PCDHGA2: variants seen among roughly 807,000 people sequenced by gnomAD.
PCDHGA2 encodes the protein protocadherin gamma subfamily A, 2.
Under a neutral mutation model 59.2 loss-of-function variants are expected in PCDHGA2, and 40 were observed. That is an observed-to-expected ratio of 0.68 (90% CI 0.52 to 0.88). The LOEUF (loss-of-function observed/expected upper bound fraction) is 0.88, where lower values mean the gene tolerates loss of function less well. PCDHGA2 is among the 40% of genes least tolerant of loss of function. The pLI is 0.00. For synonymous variants in PCDHGA2, 560 were observed against 526.0 expected (o/e 1.06, Z -0.89); for missense variants, 1,226 against 1,204.0 (o/e 1.02, Z -0.27).
At chr5:141,418,603 G>C in intron 1 of PCDHGA2, 1 of 1,614,020 alleles carries the variant, frequency 6.2e-7, no homozygotes, top group Non-Finnish European at 8.5e-7. Context: ...ACGTGTACAG[G>C]GTTAGCCTTC....
intron 1 of PCDHGA2, chr5:141,399,294 G>T (rs781668632): frequency 6.2e-7 from 1 of 1,613,914 alleles, no homozygotes; most frequent in South Asian, 1.1e-5. Flanking sequence ...TCCCTTTTAA[G>T]ATTATCTCTT....
chr5:141,487,590 C>G lies in PCDHGA2; in HGVS notation c.2425-7217C>G. 1 of 1,614,160 alleles carries G rather than the reference C, an allele frequency of 6.2e-7. No homozygotes were observed. Among genetic ancestry groups the G allele is most frequent in the Non-Finnish European group, 8.5e-7 (1 of 1,180,040 alleles). ...GAGCCTGTTCGCCCAAGCTGCCCACCCTCTGATCTTCTCTATGGGCTAGAG... is the reference window on the plus strand; with the variant it reads ...GAGCCTGTTCGCCCAAGCTGCCCACGCTCTGATCTTCTCTATGGGCTAGAG... On this transcript the variant is annotated intron_variant, in intron 1 of 3. Transcript: ENST00000394576. The surrounding 1 kb of genome is among the most constrained non-coding windows in gnomAD (Gnocchi z 5.0).
chr5:141,508,409 G>T (rs143032030), intron 3 of PCDHGA2: 4 of 152,276 alleles, frequency 2.6e-5, no homozygotes, highest in South Asian at 2.1e-4. Context: ...CTTGAGCCAC[G>T]CAGAGACTTG....
Position 141,377,206 on chromosome 5 carries a change from C to T in PCDHGA2, c.2424+35811C>T, listed in dbSNP as rs192772101. The T allele has an allele frequency of 1.8e-4, 28 of 152,284 alleles. No individual in the cohort carries two copies. In the East Asian group the frequency reaches 2.5e-3, roughly 14 times the overall value. 9.4% of individuals were successfully genotyped at this position (152,284 alleles called of 1,614,324 possible). ...AACTATTTGTGTCTTGGATTGAGTA[C>T]ATCTCGTTTCTTAGGTTTTTTCCTA... On this transcript the variant is annotated intron_variant, in intron 1 of 3. Coordinates refer to ENST00000394576, the MANE Select transcript of PCDHGA2 (RefSeq NM_018915.4).
chr5:141,443,254 G>A (rs185181143), intron 1 of PCDHGA2, among the ~76,000 whole-genome samples: 30 of 152,006 alleles, frequency 2.0e-4, no homozygotes, highest in Admixed American at 1.6e-3. Context: ...GCCAAGGCGG[G>A]TGGATCACTT....
In PCDHGA2 at chr5:141,343,791, A is replaced by T. The variant is rs1561486713; in HGVS notation, c.2424+2396A>T. On this transcript the variant is annotated intron_variant, in intron 1 of 3. Coordinates refer to ENST00000394576, the MANE Select transcript of PCDHGA2 (RefSeq NM_018915.4). ...GTTAGGCCTCTTAGTGTCGCTGTTG[A>T]CCACTCAAGAAGGAGAACGCAGCTG... 5 of 432,836 alleles carry T rather than the reference A, an allele frequency of 1.2e-5. No homozygotes were observed. In the East Asian group the frequency reaches 1.8e-4, roughly 16 times the overall value. 26.8% of individuals were successfully genotyped at this position (432,836 alleles called of 1,614,324 possible).
intron 1 of PCDHGA2, chr5:141,372,409 A>C: frequency 6.2e-7 from 1 of 1,614,038 alleles, no homozygotes; most frequent in South Asian, 1.1e-5. Flanking sequence ...CAAGAGATAC[A>C]ACCTGACCTT....
In PCDHGA2 at chr5:141,340,508, G is replaced by A; in HGVS notation, c.1537G>A (p.Val513Ile). Residue 513 changes from valine (V) to isoleucine (I), a missense_variant, in exon 1 of 4, where the codon GTA becomes ATA. Physicochemically the swap from Val to Ile is conservative, Grantham distance 29. Transcript: ENST00000394576. The stretch of plus-strand genomic sequence containing the variant: ...CATCTCTATCAACTCCGACACTGGA[G>A]TACTCTATGCACTGCGCTCCTTTGA... ...SYISINSDTG[V>I]LYALRSFDYE... 1 of 1,614,228 alleles carries A rather than the reference G, an allele frequency of 6.2e-7. No homozygotes were observed. The highest frequency in any genetic ancestry group is 8.5e-7 in the Non-Finnish European group (1 of 1,180,042).
Position 141,356,579 on chromosome 5 carries a change from A to T in PCDHGA2, c.2424+15184A>T, listed in dbSNP as rs115115119. The T allele has an allele frequency of 9.9e-6, 16 of 1,614,150 alleles. No individual in the cohort carries two copies. The East Asian group carries it at 3.3e-4, about 34-fold the overall frequency. ...TTCCCTCATGCTTCCTACTCTGCTTACATTCCTGAAAACAACCCCAGAGGA... is the reference window on the plus strand; with the variant it reads ...TTCCCTCATGCTTCCTACTCTGCTTTCATTCCTGAAAACAACCCCAGAGGA... On this transcript the variant is annotated intron_variant, in intron 1 of 3. Transcript: ENST00000394576.
intron 1 of PCDHGA2, among the ~76,000 whole-genome samples, chr5:141,358,062 T>G (rs1354480286): frequency 7.9e-5 from 12 of 152,248 alleles, no homozygotes; most frequent in Non-Finnish European, 1.5e-5. Context: ...TGGTGGTGTG[T>G]GCCCGTAGTC....
rs1231121250 is a variant in PCDHGA2 at position 141,399,544 on chromosome 5, T to G, written c.2424+58149T>G. The G allele has an allele frequency of 5.6e-6, 9 of 1,614,022 alleles. No individual in the cohort carries two copies. The highest frequency in any genetic ancestry group is 7.6e-6 in the Non-Finnish European group (9 of 1,179,882). ...GGCCTCCATCGCGCAAGTCTGCGCCTCGGACCTGGACTTGGGGTTGAACGG... is the reference window on the plus strand; with the variant it reads ...GGCCTCCATCGCGCAAGTCTGCGCCGCGGACCTGGACTTGGGGTTGAACGG... On this transcript the variant is annotated intron_variant, in intron 1 of 3. Transcript: ENST00000394576.
intron 1 of PCDHGA2, chr5:141,344,843 C>T (rs547334260): frequency 6.2e-6 from 10 of 1,613,868 alleles, no homozygotes; most frequent in Middle Eastern, 1.6e-4. Flanking sequence ...CTGACCCTGA[C>T]GAGGGATTCA....
In PCDHGA2 at chr5:141,439,231, T is replaced by C. The variant is rs545867747; in HGVS notation, c.2425-55576T>C. 2.0e-5 allele frequency among the ~76,000 whole-genome samples: 3 copies of C among 151,650 alleles called. No individual in the cohort carries two copies. In the East Asian group the frequency reaches 5.8e-4, roughly 29 times the overall value. On this transcript the variant is annotated intron_variant, in intron 1 of 3. Coordinates refer to ENST00000394576, the MANE Select transcript of PCDHGA2 (RefSeq NM_018915.4). ...TCCATATGTGAAAATTCTTAGAAGC[T>C]TCCTATACAATTTCAGCTGAAGATT...
chr5:141,415,756 T>C, intron 1 of PCDHGA2: 2 of 1,387,344 alleles, frequency 1.4e-6, no homozygotes, highest in Non-Finnish European at 1.9e-6. Flanking sequence ...TTTTTTTTTT[T>C]TTTTTTTTTT....
intron 1 of PCDHGA2, chr5:141,433,186 G>A (rs753657435): frequency 1.4e-5 from 23 of 1,601,378 alleles, no homozygotes; most frequent in Non-Finnish European, 1.9e-5. Context: ...TAATTGAGGT[G>A]AGTTTATATC....
intron 1 of PCDHGA2, chr5:141,357,469 G>C: frequency 6.2e-7 from 1 of 1,614,176 alleles, no homozygotes; most frequent in African/African-American, 1.3e-5. Flanking sequence ...TTCCCACGAG[G>C]TCTCCCTCAC....
At chr5:141,348,601 G>A (rs576514167) in intron 1 of PCDHGA2, among the ~76,000 whole-genome samples, 1 of 152,244 alleles carries the variant, frequency 6.6e-6, no homozygotes, top group East Asian at 1.9e-4. Flanking sequence ...TGAGAGTATG[G>A]AACCCATACA....
chr5:141,489,073 C>A lies in PCDHGA2; in HGVS notation c.2425-5734C>A, dbSNP rs2099681983. 3.2e-6 allele frequency: 1 copy of A among 315,630 alleles called. No individual in the cohort carries two copies. The highest frequency in any genetic ancestry group is 5.7e-6 in the Non-Finnish European group (1 of 173,976). 19.6% of individuals were successfully genotyped at this position (315,630 alleles called of 1,614,324 possible). A position where few individuals can be genotyped will look rare whatever the true frequency, so the allele number is the denominator to read the frequency against. ...ATTCAGCTCCCCTCCCCCCTGCCCA[C>A]CCCCGCCACTCGGTGACTAAGAACT... On this transcript the variant is annotated intron_variant, in intron 1 of 3. Coordinates refer to ENST00000394576, the MANE Select transcript of PCDHGA2 (RefSeq NM_018915.4). The surrounding 1 kb of genome is among the most constrained non-coding windows in gnomAD (Gnocchi z 4.5).
chr5:141,396,695 T>G (rs920549434), intron 1 of PCDHGA2: 1 of 152,226 alleles, frequency 6.6e-6, no homozygotes, highest in Non-Finnish European at 1.5e-5. Context: ...CATACCTTCT[T>G]GTAGCATTTG....
Sources: gnomAD v4.1 joint callset for allele counts (sites outside exome capture counted in the v4.1 genomes callset) on GRCh38, gnomAD v4.1.1 for gene constraint, Gnocchi (gnomAD v3.1) non-coding constraint, MANE v1.5 for transcripts, NCBI Gene and HGNC (gene_info 2026-07-23, HGNC 2026-07-21) for gene names.